The following PCDH15 variants were observed in gnomAD, a reference collection of about 807,000 sequenced individuals.
The protein encoded by PCDH15 is protocadherin-15.
Under a neutral mutation model 178.5 loss-of-function variants are expected in PCDH15, and 129 were observed. The observed-to-expected ratio is 0.72, with a 90% confidence interval of 0.63 to 0.84. The LOEUF (loss-of-function observed/expected upper bound fraction) is 0.84, where lower values mean the gene tolerates loss of function less well. Ranked by LOEUF, PCDH15 falls within the 40% of genes least tolerant of loss-of-function variation. The probability of loss-of-function intolerance (pLI) is 0.00; values close to 1 mark genes in which losing one functional copy is unlikely to be tolerated. For missense variants in PCDH15, 2,230 were observed against 2,099.9 expected, an observed-to-expected ratio of 1.06 and a Z score of -1.21; for synonymous variants, 800 against 732.0, an observed-to-expected ratio of 1.09 and a Z score of -1.50.
intron 8 of PCDH15, among the ~76,000 whole-genome samples, chr10:54,273,912 A>G (rs1366029825): frequency 6.6e-6 from 1 of 152,124 alleles, no homozygotes; most frequent in Non-Finnish European, 1.5e-5. Context: ...TCTGCGGGAT[A>G]AAGAAAATAT....
chr10:54,821,174 T>C (rs1023398270), intron 3 of PCDH15, among the ~76,000 whole-genome samples: 7 of 152,114 alleles, frequency 4.6e-5, no homozygotes, highest in African/African-American at 1.4e-4. Context: ...TTCATGCTAA[T>C]GCAACCGTGC....
At chr10:55,430,499 A>G (rs1554867157) in intron 2 of PCDH15, among the ~76,000 whole-genome samples, 1 of 152,136 alleles carries the variant, frequency 6.6e-6, no homozygotes, top group Non-Finnish European at 1.5e-5. Flanking sequence ...AAGTGCATTC[A>G]CCATGGAGAT....
At chr10:54,009,915 A>G (rs2092518248) in intron 20 of PCDH15, among the ~76,000 whole-genome samples, 1 of 152,092 alleles carries the variant, frequency 6.6e-6, no homozygotes. Context: ...ATCCCCAGAC[A>G]CTCTGGCACC....
chr10:55,133,161 AAC>A (rs1238034996), intron 2 of PCDH15, among the ~76,000 whole-genome samples: 5 of 152,332 alleles, frequency 3.3e-5, no homozygotes, highest in African/African-American at 1.2e-4. Flanking sequence ...AATCATCAAT[AAC>A]AGTTATTAAA....
intron 3 of PCDH15, among the ~76,000 whole-genome samples, chr10:54,435,120 T>G (rs2075297774): frequency 6.6e-6 from 1 of 152,184 alleles, no homozygotes; most frequent in African/African-American, 2.4e-5. Context: ...ATCTTTACCA[T>G]AGACTACAAA....
intron 1 of PCDH15, among the ~76,000 whole-genome samples, chr10:54,699,074 C>T (rs924118200): frequency 6.6e-6 from 1 of 152,070 alleles, no homozygotes; most frequent in African/African-American, 2.4e-5. Context: ...TACCCAAAAT[C>T]TGTTTCTGTG....
chr10:55,098,548 T>C (rs1167129283), intron 2 of PCDH15, among the ~76,000 whole-genome samples: 2 of 152,026 alleles, frequency 1.3e-5, no homozygotes, highest in African/African-American at 2.4e-5. Flanking sequence ...AGACTAGACA[T>C]GTTCAAAATG....
At chr10:55,558,808 CTACCTTAAA>C in intron 2 of PCDH15, among the ~76,000 whole-genome samples, 1 of 151,930 alleles carries the variant, frequency 6.6e-6, no homozygotes, top group East Asian at 1.9e-4. Flanking sequence ...TCCATTTTAC[CTACCTTAAA>C]TAGAGGTAGT....
At chr10:55,283,510 G>C (rs997090269) in intron 1 of PCDH15, among the ~76,000 whole-genome samples, 1 of 151,510 alleles carries the variant, frequency 6.6e-6, no homozygotes, top group African/African-American at 2.4e-5. Context: ...TCAAGGCAGC[G>C]GGCAAGGAAA....
chr10:53,988,499 G>T (rs1406613404), intron 21 of PCDH15, among the ~76,000 whole-genome samples: 1 of 152,254 alleles, frequency 6.6e-6, no homozygotes, highest in Non-Finnish European at 1.5e-5. Context: ...GTGTTTGATT[G>T]TAGGGCTACG....
chr10:55,080,540 G>GC (rs751082258), intron 2 of PCDH15, among the ~76,000 whole-genome samples: 7 of 152,134 alleles, frequency 4.6e-5, no homozygotes. Flanking sequence ...CAAATAAGGT[G>GC]CCATCTGGGA....
At chr10:55,184,692 A>T (rs2132138351) in intron 1 of PCDH15, among the ~76,000 whole-genome samples, 1 of 152,074 alleles carries the variant, frequency 6.6e-6, no homozygotes, top group Admixed American at 6.6e-5. Context: ...ACAGCTGTAG[A>T]GGGTATATTT....
At chr10:55,034,651 ACT>A (rs1840692681) in intron 2 of PCDH15, among the ~76,000 whole-genome samples, 2 of 152,288 alleles carry the variant, frequency 1.3e-5, no homozygotes, top group East Asian at 3.9e-4. Flanking sequence ...GAGAATCTAG[ACT>A]CTAAAAACTA....
intron 23 of PCDH15, among the ~76,000 whole-genome samples, chr10:53,949,391 T>A (rs2134162763): frequency 6.6e-6 from 1 of 152,340 alleles, no homozygotes; most frequent in Non-Finnish European, 1.5e-5. Context: ...ATGCATTTGT[T>A]TTACATTATT....
intron 2 of PCDH15, among the ~76,000 whole-genome samples, chr10:55,071,467 C>G (rs957211762): frequency 2.6e-5 from 4 of 152,198 alleles, no homozygotes; most frequent in Admixed American, 2.6e-4. Flanking sequence ...ATAAAACAGA[C>G]TTTAAACCAA....
intron 2 of PCDH15, among the ~76,000 whole-genome samples, chr10:55,363,154 T>G (rs986171730): frequency 9.2e-5 from 14 of 152,166 alleles, no homozygotes; most frequent in Non-Finnish European, 1.3e-4. Context: ...CATAATTTCC[T>G]AGAGACCTAT....
intron 3 of PCDH15, among the ~76,000 whole-genome samples, chr10:54,429,131 T>C (rs949191071): frequency 2.2e-4 from 34 of 152,094 alleles, no homozygotes; most frequent in Non-Finnish European, 4.7e-4. Context: ...TTTCAAAACA[T>C]AGACAGTATA....
chr10:55,298,489 C>T (rs1843191327), intron 1 of PCDH15, among the ~76,000 whole-genome samples: 1 of 152,088 alleles, frequency 6.6e-6, no homozygotes, highest in Non-Finnish European at 1.5e-5. Flanking sequence ...TGTAAATGAA[C>T]AAAACCATAA....
chr10:55,129,575 T>C (rs1205990120), intron 2 of PCDH15, among the ~76,000 whole-genome samples: 1 of 152,132 alleles, frequency 6.6e-6, no homozygotes, highest in Non-Finnish European at 1.5e-5. Context: ...TTTTGCAAAA[T>C]GAACTGAACT....
Sources: allele counts gnomAD v4.1 joint callset (sites outside exome capture counted in the v4.1 genomes callset), GRCh38; gene constraint gnomAD v4.1.1; transcripts MANE v1.5; gene names NCBI Gene and HGNC (gene_info 2026-07-23, HGNC 2026-07-21).